Variants in HMGA2 observed in about 807,000 individuals in gnomAD.
HMGA2 encodes the protein high mobility group AT-hook 2, also known as high mobility group protein HMGI-C.
HMGA2 carries 8 observed loss-of-function variants against 19.1 expected under a neutral mutation model. That is an observed-to-expected ratio of 0.42 (90% CI 0.25 to 0.76). HMGA2 has a LOEUF of 0.76. Among genes scored for constraint, HMGA2 ranks in the 30% least tolerant of loss-of-function variants. The pLI is 0.28. For missense variants in HMGA2, 109 were observed against 136.3 expected (o/e 0.80, Z 1.00); for synonymous variants, 60 against 48.8 (o/e 1.23, Z -0.96).
At chr12:65,826,029 G>C (rs962282244) in intron 1 of HMGA2, 1 of 152,478 alleles carries the variant, frequency 6.6e-6, no homozygotes, top group African/African-American at 2.4e-5. Context: ...AGGGAGCCCG[G>C]GGCAGGGGCT....
At chr12:65,865,880 G>C (rs904796374) in intron 3 of HMGA2, among the ~76,000 whole-genome samples, 1 of 151,344 alleles carries the variant, frequency 6.6e-6, no homozygotes, top group East Asian at 1.9e-4. Context: ...CTGACCTCGT[G>C]ATCTGCCCAT....
At chr12:65,908,830 A>G (rs1358428722) in intron 3 of HMGA2, among the ~76,000 whole-genome samples, 1 of 152,232 alleles carries the variant, frequency 6.6e-6, no homozygotes, top group African/African-American at 2.4e-5. Context: ...AATGTGGTCA[A>G]CTACAGCAAA....
At chr12:65,951,684 A>T (rs1046048235) in intron 4 of HMGA2, 6 of 323,622 alleles carry the variant, frequency 1.9e-5, no homozygotes, top group African/African-American at 4.3e-5. Context: ...ATTGCCTCAT[A>T]TGTAAAACAA....
At chr12:65,835,510 A>G (rs576805950) in intron 2 of HMGA2, among the ~76,000 whole-genome samples, 21 of 152,232 alleles carry the variant, frequency 1.4e-4, no homozygotes, top group Non-Finnish European at 2.6e-4. Flanking sequence ...TGAACGACCA[A>G]GGAGCAAGTT....
chr12:65,937,195 G>T (rs572179915), intron 3 of HMGA2, among the ~76,000 whole-genome samples: 163 of 152,164 alleles, frequency 1.1e-3, no homozygotes, highest in African/African-American at 3.2e-3. Context: ...TGCACATCTG[G>T]CAATAAGCCC....
intron 3 of HMGA2, among the ~76,000 whole-genome samples, chr12:65,887,868 C>T (rs1228129494): frequency 7.3e-6 from 1 of 137,556 alleles, no homozygotes; most frequent in Non-Finnish European, 1.5e-5. Context: ...TAGCCTGCCA[C>T]AGGCAAATTA....
chr12:65,840,048 C>T (rs535586935), intron 3 of HMGA2, among the ~76,000 whole-genome samples: 2 of 152,230 alleles, frequency 1.3e-5, no homozygotes, highest in South Asian at 2.1e-4. Flanking sequence ...ATTTTTTCCC[C>T]ATAAAGGAAC....
chr12:65,929,430 T>C (rs1875629346), intron 3 of HMGA2, among the ~76,000 whole-genome samples: 1 of 151,718 alleles, frequency 6.6e-6, no homozygotes, highest in African/African-American at 2.4e-5. Flanking sequence ...TTGATATGTC[T>C]AAAGAGACCT....
rs2120808361 is a variant in HMGA2 at position 65,825,394 on chromosome 12, G to T, written c.111+13G>T. ...GAAGCAGCAGCAAGTCAGTACGAGG[G>T]CGCGGTGGGGGCACCAGCCCACCCC... On this transcript the variant is annotated intron_variant, in intron 1 of 4. Coordinates refer to ENST00000403681, the MANE Select transcript of HMGA2 (RefSeq NM_003483.6). This position sits in a 1 kb window ranked among gnomAD's most constrained non-coding sequence, Gnocchi z 4.4. 4.0e-6 allele frequency: 6 copies of T among 1,507,156 alleles called. No individual in the cohort carries two copies. Among genetic ancestry groups the T allele is most frequent in the Non-Finnish European group, 4.4e-6 (5 of 1,128,750 alleles). 93.4% of individuals were successfully genotyped at this position (1,507,156 alleles called of 1,614,324 possible).
intron 3 of HMGA2, among the ~76,000 whole-genome samples, chr12:65,903,688 C>T (rs951397844): frequency 6.6e-6 from 1 of 152,024 alleles, no homozygotes; most frequent in African/African-American, 2.4e-5. Flanking sequence ...AACACTGTAT[C>T]CGTGGACCTA....
At chr12:65,931,398 C>G (rs1813583551) in intron 3 of HMGA2, among the ~76,000 whole-genome samples, 1 of 152,122 alleles carries the variant, frequency 6.6e-6, no homozygotes, top group Admixed American at 6.5e-5. Context: ...TCTTTACCCC[C>G]TCCCGAAACC....
chr12:65,884,527 G>A (rs1873577684), intron 3 of HMGA2, among the ~76,000 whole-genome samples: 2 of 152,112 alleles, frequency 1.3e-5, no homozygotes, highest in Admixed American at 1.3e-4. Context: ...TTGCTGTCAA[G>A]GGCAAAATTT....
At chr12:65,841,038 G>A (rs1039350103) in intron 3 of HMGA2, among the ~76,000 whole-genome samples, 4 of 152,104 alleles carry the variant, frequency 2.6e-5, no homozygotes, top group Admixed American at 6.5e-5. Flanking sequence ...CTAGTACTTC[G>A]AAGTCATTCA....
Position 65,963,242 on chromosome 12 carries a change from C to T in HMGA2, c.283-3C>T, listed in dbSNP as rs1876804193. ...TCATGGCTGTGCCCTTTGTGTGTTC[C>T]AGGAGGAAACTGAAGAGACATCCTC... On this transcript the variant is annotated splice_region_variant and splice_polypyrimidine_tract_variant and intron_variant, in intron 4 of 4. Coordinates refer to ENST00000403681, the MANE Select transcript of HMGA2 (RefSeq NM_003483.6). 2 of 1,613,626 alleles carry T rather than the reference C, an allele frequency of 1.2e-6. No homozygotes were observed. The highest frequency in any genetic ancestry group is 4.5e-5 in the East Asian group (2 of 44,860).
At position 65,825,215 on chromosome 12, in the gene HMGA2, T is replaced by A. The variant is rs1344024208; in HGVS notation, c.-56T>A. 19 of 1,441,944 alleles carry A rather than the reference T, an allele frequency of 1.3e-5. No homozygotes were observed. Among genetic ancestry groups the A allele is most frequent in the Non-Finnish European group, 1.8e-5 (19 of 1,070,936 alleles). The allele number at this position is 1,441,944 out of a possible 1,614,324, so 89.3% of individuals were successfully genotyped here. A position where few individuals can be genotyped will look rare whatever the true frequency, so the allele number is the denominator to read the frequency against. On this transcript the variant is annotated 5_prime_UTR_variant, in exon 1 of 5. Coordinates refer to ENST00000403681, the MANE Select transcript of HMGA2 (RefSeq NM_003483.6). This position sits in a 1 kb window ranked among gnomAD's most constrained non-coding sequence, Gnocchi z 4.4. ...CATCTCCCGAAAGGTGCTGGGCAGC[T>A]CCGGGGCGGTCGAGGCGAAGCGGCT...
At chr12:65,949,073 T>A (rs956705415) in intron 3 of HMGA2, among the ~76,000 whole-genome samples, 2 of 152,118 alleles carry the variant, frequency 1.3e-5, no homozygotes, top group Non-Finnish European at 2.9e-5. Context: ...TGGAAATGAA[T>A]CCTCTATTAG....
intron 2 of HMGA2, among the ~76,000 whole-genome samples, chr12:65,836,636 T>C (rs1428023121): frequency 6.6e-6 from 1 of 152,214 alleles, no homozygotes; most frequent in Non-Finnish European, 1.5e-5. Flanking sequence ...TCCCTCTCCA[T>C]GAGGCAATGC....
At chr12:65,888,552 C>CTTTTTTTTTTT (rs1565722298) in intron 3 of HMGA2, among the ~76,000 whole-genome samples, 1 of 90,304 alleles carries the variant, frequency 1.1e-5, no homozygotes, top group Non-Finnish European at 2.1e-5. Flanking sequence ...CCGTGGTGTG[C>CTTTTTTTTTTT]TCTTTTTTTT....
At chr12:65,843,817 G>T (rs928200638) in intron 3 of HMGA2, among the ~76,000 whole-genome samples, 4 of 152,262 alleles carry the variant, frequency 2.6e-5, no homozygotes, top group Admixed American at 2.6e-4. Context: ...GGGAGGCCAA[G>T]GCGGGCAGAT....
Sources: gnomAD v4.1 joint callset for allele counts (sites outside exome capture counted in the v4.1 genomes callset) on GRCh38, gnomAD v4.1.1 for gene constraint, Gnocchi (gnomAD v3.1) non-coding constraint, MANE v1.5 for transcripts, NCBI Gene and HGNC (gene_info 2026-07-23, HGNC 2026-07-21) for gene names.